TENM4: variants seen among roughly 807,000 people sequenced by gnomAD.
The protein encoded by TENM4 is teneurin transmembrane protein 4.
A neutral mutation model predicts 243.3 loss-of-function variants in TENM4; 82 were observed. The observed-to-expected ratio is 0.34, with a 90% confidence interval of 0.28 to 0.40. The LOEUF (loss-of-function observed/expected upper bound fraction) is 0.40. Ranked by LOEUF, TENM4 falls within the 10% of genes least tolerant of loss-of-function variation. The pLI is 1.00. For synonymous variants in TENM4, 1,412 were observed against 1,456.3 expected, an observed-to-expected ratio of 0.97 and a Z score of 0.69; for missense variants, 3,138 against 3,673.3, an observed-to-expected ratio of 0.85 and a Z score of 3.77.
At chr11:79,191,723 G>A (rs974557530) in intron 3 of TENM4, 2 of 185,948 alleles carry the variant, frequency 1.1e-5, no homozygotes, top group Non-Finnish European at 2.2e-5. Context: ...GATGTGGGGA[G>A]CGCCTCTGCC....
chr11:79,150,156 T>C (rs1267788105), intron 3 of TENM4, among the ~76,000 whole-genome samples: 1 of 152,158 alleles, frequency 6.6e-6, no homozygotes, highest in African/African-American at 2.4e-5. Flanking sequence ...TTATCATCTT[T>C]CAAATCCATC....
intron 1 of TENM4, among the ~76,000 whole-genome samples, chr11:79,434,530 A>C (rs1859231929): frequency 6.6e-6 from 1 of 152,224 alleles, no homozygotes; most frequent in Non-Finnish European, 1.5e-5. Flanking sequence ...TTTCAACTCC[A>C]TTGCTGGCTG....
chr11:79,110,471 C>A (rs79476074), intron 4 of TENM4, among the ~76,000 whole-genome samples: 2,394 of 152,268 alleles, frequency 0.016, 60 homozygotes, highest in South Asian at 0.065. Flanking sequence ...TCCATAGCCC[C>A]GGAGGTGGAG....
rs1309666825 is a variant in TENM4 at position 78,856,213 on chromosome 11, C to A, written c.1256-35G>T. On this transcript the variant is annotated intron_variant, in intron 10 of 33. Transcript: ENST00000278550. ...TAGAGGGAAGGGAAGACAAAGACATCTCGGTTAGCCACATGGGAAACGAGA... is the reference window on the plus strand; with the variant it reads ...TAGAGGGAAGGGAAGACAAAGACATATCGGTTAGCCACATGGGAAACGAGA... The A allele has an allele frequency of 1.8e-5, 28 of 1,538,530 alleles. No homozygotes were observed. The East Asian group carries it at 6.9e-4, about 38-fold the overall frequency.
At chr11:78,684,033 CT>C (rs754445602) in intron 29 of TENM4, among the ~76,000 whole-genome samples, 2 of 152,216 alleles carry the variant, frequency 1.3e-5, no homozygotes, top group Non-Finnish European at 1.5e-5. Context: ...GAAGCTTCCC[CT>C]GTTCCACTGG....
intron 1 of TENM4, among the ~76,000 whole-genome samples, chr11:79,436,019 G>A (rs1390594937): frequency 6.6e-6 from 1 of 152,144 alleles, no homozygotes; most frequent in East Asian, 1.9e-4. Flanking sequence ...TAAATAGGCT[G>A]GATGCAAGGT....
chr11:78,693,373 A>G (rs1428862957), intron 28 of TENM4, among the ~76,000 whole-genome samples: 2 of 152,266 alleles, frequency 1.3e-5, no homozygotes. Flanking sequence ...GTAGAGGAAT[A>G]TAAATTCAAA....
chr11:78,745,118 A>G (rs574256072), intron 19 of TENM4, among the ~76,000 whole-genome samples: 1 of 152,324 alleles, frequency 6.6e-6, no homozygotes, highest in South Asian at 2.1e-4. Flanking sequence ...ATACACAGAC[A>G]GACACGCATA....
intron 2 of TENM4, among the ~76,000 whole-genome samples, chr11:79,244,499 C>T (rs1206333820): frequency 2.0e-5 from 3 of 151,934 alleles, no homozygotes; most frequent in African/African-American, 7.3e-5. Context: ...CTTTTAATCT[C>T]CGTGCAGAAC....
chr11:79,040,329 T>A (rs1484640620), intron 6 of TENM4, among the ~76,000 whole-genome samples: 2 of 152,164 alleles, frequency 1.3e-5, no homozygotes. Flanking sequence ...TCAGCTCAGT[T>A]TCAACCACTA....
At chr11:79,222,413 G>A (rs927005833) in intron 2 of TENM4, among the ~76,000 whole-genome samples, 3 of 152,112 alleles carry the variant, frequency 2.0e-5, no homozygotes, top group African/African-American at 7.2e-5. Context: ...TCATTGATGG[G>A]CATTTGGGTT....
At chr11:78,925,634 C>T (rs1157025760) in intron 6 of TENM4, among the ~76,000 whole-genome samples, 1 of 152,066 alleles carries the variant, frequency 6.6e-6, no homozygotes, top group African/African-American at 2.4e-5. Context: ...AAACTGTTTC[C>T]ATATGGACCT....
At chr11:79,303,489 C>A (rs1318795384) in intron 1 of TENM4, among the ~76,000 whole-genome samples, 2 of 152,198 alleles carry the variant, frequency 1.3e-5, no homozygotes, top group East Asian at 1.9e-4. Flanking sequence ...TCTTAGCTAA[C>A]AATGAAGTAT....
chr11:78,763,352 C>T (rs1856472595), intron 18 of TENM4, among the ~76,000 whole-genome samples: 1 of 151,976 alleles, frequency 6.6e-6, no homozygotes, highest in South Asian at 2.1e-4. Flanking sequence ...CTCGAGTGGC[C>T]CCTGATGGGG....
chr11:78,981,196 G>A (rs1302795203), intron 6 of TENM4, among the ~76,000 whole-genome samples: 1 of 152,144 alleles, frequency 6.6e-6, no homozygotes, highest in African/African-American at 2.4e-5. Context: ...CACACCACAA[G>A]CAGGATGGAT....
intron 4 of TENM4, among the ~76,000 whole-genome samples, chr11:79,113,208 A>T (rs1223245460): frequency 6.6e-6 from 1 of 152,144 alleles, no homozygotes; most frequent in African/African-American, 2.4e-5. Flanking sequence ...AGGGTCAGGG[A>T]TATAAGCTGG....
At chr11:78,997,681 T>C (rs554482807) in intron 6 of TENM4, among the ~76,000 whole-genome samples, 1 of 152,268 alleles carries the variant, frequency 6.6e-6, no homozygotes, top group East Asian at 1.9e-4. Context: ...TTGATGAATA[T>C]GAAGACCCAG....
At position 78,899,559 on chromosome 11, in the gene TENM4, C is replaced by T. The variant is rs1001699896; in HGVS notation, c.749+3709G>A. ...TGCCACTGCACTCTGTCTCAAAAAG[C>T]GGGGGGGGGGGGAAAAAGAAAAAAG... On this transcript the variant is annotated intron_variant, in intron 7 of 33. Transcript: ENST00000278550. Among the ~76,000 whole-genome samples the T allele has an allele frequency of 2.0e-4, 6 of 29,620 alleles. No homozygotes were observed. The East Asian group carries it at 5.9e-3, about 29-fold the overall frequency. The allele number at this position is 29,620 out of a possible 152,430, so 19.4% of individuals were successfully genotyped here.
At chr11:79,329,604 C>T (rs1048076106) in intron 1 of TENM4, among the ~76,000 whole-genome samples, 5 of 152,108 alleles carry the variant, frequency 3.3e-5, no homozygotes, top group African/African-American at 7.2e-5. Flanking sequence ...GGTCGAGGAT[C>T]GAGATAACTA....
Sources: allele counts gnomAD v4.1 joint callset (sites outside exome capture counted in the v4.1 genomes callset), GRCh38; gene constraint gnomAD v4.1.1; transcripts MANE v1.5; gene names NCBI Gene and HGNC (gene_info 2026-07-23, HGNC 2026-07-21).